Variants in VTI1A observed in about 807,000 individuals in gnomAD.
VTI1A encodes the protein vesicle transport through interaction with t-SNAREs 1A, also known as vesicle transport through interaction with t-SNAREs homolog 1A.
VTI1A carries 22 observed loss-of-function variants against 34.9 expected under a neutral mutation model. The observed-to-expected ratio is 0.63, with a 90% CI of 0.45 to 0.90. VTI1A has a LOEUF of 0.90. Among genes scored for constraint, VTI1A ranks in the 40% least tolerant of loss-of-function variants. VTI1A has a pLI of 0.00. For missense variants in VTI1A, 268 were observed against 275.6 expected, an observed-to-expected ratio of 0.97 and a Z score of 0.20; for synonymous variants, 87 against 97.3, an observed-to-expected ratio of 0.89 and a Z score of 0.62.
intron 5 of VTI1A, among the ~76,000 whole-genome samples, chr10:112,653,201 A>T (rs1213568331): frequency 6.6e-6 from 1 of 152,172 alleles, no homozygotes; most frequent in East Asian, 1.9e-4. Flanking sequence ...TCCTAGCTGA[A>T]GTGTTTCCAT....
chr10:112,503,169 A>G (rs939889401), intron 3 of VTI1A, among the ~76,000 whole-genome samples: 2 of 152,026 alleles, frequency 1.3e-5, no homozygotes, highest in Non-Finnish European at 2.9e-5. Flanking sequence ...ATTAATGTTA[A>G]CTCTAGTCAT....
chr10:112,669,181 A>T (rs1451474277), intron 7 of VTI1A, among the ~76,000 whole-genome samples, 183 bp downstream of exon 7: 1 of 152,188 alleles, frequency 6.6e-6, no homozygotes, highest in Non-Finnish European at 1.5e-5. Context: ...ACACATACTA[A>T]CACAGATTAG....
intron 7 of VTI1A, among the ~76,000 whole-genome samples, chr10:112,693,244 T>G (rs1359876018): frequency 3.3e-5 from 5 of 152,196 alleles, no homozygotes; most frequent in Admixed American, 1.3e-4. Flanking sequence ...TTGTAAATAA[T>G]TCTTTAAAAA....
intron 7 of VTI1A, among the ~76,000 whole-genome samples, chr10:112,688,521 C>CTTTTTTTTTTTTTTTTTT (rs59853999): frequency 8.6e-6 from 1 of 116,420 alleles, no homozygotes; most frequent in Non-Finnish European, 1.7e-5. Context: ...CAATTTTTTT[C>CTTTTTTTTTTTTTTTTTT]TTTTTTTTTT....
intron 5 of VTI1A, among the ~76,000 whole-genome samples, chr10:112,661,584 A>G (rs1564872135): frequency 6.6e-6 from 1 of 152,078 alleles, no homozygotes. Context: ...GAGTATTTTT[A>G]TTTCATCTTA....
At chr10:112,583,083 C>T (rs1844012641) in intron 5 of VTI1A, among the ~76,000 whole-genome samples, 1 of 152,042 alleles carries the variant, frequency 6.6e-6, no homozygotes, top group South Asian at 2.1e-4. Flanking sequence ...ATGTGGGCAT[C>T]TTATAGAGAT....
chr10:112,763,065 A>G (rs1590163283), intron 7 of VTI1A, among the ~76,000 whole-genome samples: 1 of 152,106 alleles, frequency 6.6e-6, no homozygotes, highest in Non-Finnish European at 1.5e-5. Flanking sequence ...TCAGAAACCT[A>G]TTAGTGGTAC....
intron 3 of VTI1A, among the ~76,000 whole-genome samples, chr10:112,473,627 T>G (rs539592838): frequency 1.3e-5 from 2 of 152,300 alleles, no homozygotes; most frequent in Middle Eastern, 6.8e-3. Flanking sequence ...AGAAGGCAGA[T>G]GACCAAGTGA....
chr10:112,623,118 T>C (rs1285712592), intron 5 of VTI1A, among the ~76,000 whole-genome samples: 1 of 152,194 alleles, frequency 6.6e-6, no homozygotes, highest in African/African-American at 2.4e-5. Context: ...TTATGTTTGA[T>C]TGATGACTTT....
chr10:112,605,179 C>T (rs1009705547), intron 5 of VTI1A, among the ~76,000 whole-genome samples: 1 of 152,148 alleles, frequency 6.6e-6, no homozygotes, highest in Non-Finnish European at 1.5e-5. Context: ...TTCCAGGCGA[C>T]CTTGTCCAGG....
intron 5 of VTI1A, among the ~76,000 whole-genome samples, chr10:112,656,976 A>G (rs1847254700): frequency 6.6e-6 from 1 of 152,020 alleles, no homozygotes; most frequent in Non-Finnish European, 1.5e-5. Flanking sequence ...AGTGGGTAGC[A>G]CCTTCCCCTC....
At chr10:112,746,193 T>C (rs1007317866) in intron 7 of VTI1A, among the ~76,000 whole-genome samples, 1 of 152,220 alleles carries the variant, frequency 6.6e-6, no homozygotes, top group Non-Finnish European at 1.5e-5. Flanking sequence ...GATAAATCTG[T>C]ACGAAACAAA....
chr10:112,650,028 C>T (rs370689172), intron 5 of VTI1A, among the ~76,000 whole-genome samples: 1 of 152,146 alleles, frequency 6.6e-6, no homozygotes, highest in East Asian at 1.9e-4. Context: ...TTTGACTACA[C>T]TAAATTTATT....
intron 5 of VTI1A, among the ~76,000 whole-genome samples, chr10:112,562,820 T>G (rs1851773496): frequency 6.6e-6 from 1 of 152,140 alleles, no homozygotes; most frequent in South Asian, 2.1e-4. Flanking sequence ...AATTTTATAA[T>G]AAAATTTTCC....
At chr10:112,447,693 C>T (rs1484333725) in intron 1 of VTI1A, among the ~76,000 whole-genome samples, 1 of 152,142 alleles carries the variant, frequency 6.6e-6, no homozygotes, top group East Asian at 1.9e-4. Flanking sequence ...GAGTTCGAAT[C>T]CCGGCTCTAC....
intron 1 of VTI1A, among the ~76,000 whole-genome samples, chr10:112,458,537 G>A (rs1346538205): frequency 6.6e-6 from 1 of 152,112 alleles, no homozygotes; most frequent in African/African-American, 2.4e-5. Context: ...AACACCTTAT[G>A]TGACAACTGT....
intron 5 of VTI1A, among the ~76,000 whole-genome samples, chr10:112,559,848 A>G (rs1851664171): frequency 6.6e-6 from 1 of 152,206 alleles, no homozygotes; most frequent in African/African-American, 2.4e-5. Flanking sequence ...CTTATGAGAA[A>G]AAATTGGGGG....
rs370689172 is a variant in VTI1A, at chr10:112,650,028, C to A, written c.428-18190C>A. On this transcript the variant is annotated intron_variant, in intron 5 of 7. Coordinates refer to ENST00000393077, the MANE Select transcript of VTI1A (RefSeq NM_145206.4). The stretch of plus-strand genomic sequence containing the variant: ...ATAAACACTGGACACTTTGACTACA[C>A]TAAATTTATTTTTAAAATGTTTTTC... 5.3e-5 allele frequency among the ~76,000 whole-genome samples: 8 copies of A among 152,264 alleles called. 1 individual carries two copies. In the South Asian group the frequency reaches 1.0e-3, roughly 20 times the overall value.
At chr10:112,834,930 C>T in the VTI1A span, among the ~76,000 whole-genome samples, 6 of 152,218 alleles carry the variant, frequency 3.9e-5, no homozygotes, top group African/African-American at 1.4e-4. Flanking sequence ...GAGTGGCCCT[C>T]CCTGCCACTT....
Sources: allele counts gnomAD v4.1 joint callset (sites outside exome capture counted in the v4.1 genomes callset), GRCh38; gene constraint gnomAD v4.1.1; transcripts MANE v1.5; gene names NCBI Gene and HGNC (gene_info 2026-07-23, HGNC 2026-07-21).